LARP4: variants seen among roughly 807,000 people sequenced by gnomAD.
The protein encoded by LARP4 is la-related protein 4.
A neutral mutation model predicts 92.9 loss-of-function variants in LARP4; 29 were observed. The observed-to-expected ratio is 0.31, with a 90% confidence interval of 0.23 to 0.43. LARP4 has a LOEUF of 0.43. LARP4 is among the 20% of genes least tolerant of loss of function. The probability of loss-of-function intolerance (pLI) is 1.00; values close to 1 mark genes in which losing one functional copy is unlikely to be tolerated. For missense variants in LARP4, 732 were observed against 860.0 expected (o/e 0.85, Z 1.86); for synonymous variants, 279 against 284.1 (o/e 0.98, Z 0.18).
Position 50,453,493 on chromosome 12 carries a change from A to G in LARP4, c.838A>G (p.Lys280Glu). The G allele has an allele frequency of 6.2e-7, 1 of 1,612,468 alleles. No homozygotes were observed. The highest frequency in any genetic ancestry group is 8.5e-7 in the Non-Finnish European group (1 of 1,178,742). ...AAAAGCCATCAATACATTTTTTGCTAAGAATGGTTATCGATTAATGGATTC... is the reference window on the plus strand; with the variant it reads ...AAAAGCCATCAATACATTTTTTGCTGAGAATGGTTATCGATTAATGGATTC... ...RIKAINTFFAKNGYRLMDSSI... is the reference protein window; with the variant it reads ...RIKAINTFFAENGYRLMDSSI... The change falls in exon 9 of 16, where the codon AAG becomes GAG. Residue 280 changes from lysine (K) to glutamate (E), a missense_variant. Coordinates refer to ENST00000398473, the MANE Select transcript of LARP4 (RefSeq NM_052879.5).
intron 1 of LARP4, among the ~76,000 whole-genome samples, chr12:50,404,681 G>GTTTTTTTTTTTTTTTTTTTTTTTTTTTT (rs1162590362): frequency 1.5e-5 from 1 of 67,356 alleles, no homozygotes; most frequent in Non-Finnish European, 3.1e-5. Context: ...GGTTCAAGCA[G>GTTTTTTTTTTTTTTTTTTTTTTTTTTTT]TTTTTTTTTT....
At chr12:50,434,519 A>G (rs918952163) in intron 4 of LARP4, among the ~76,000 whole-genome samples, 3 of 150,996 alleles carry the variant, frequency 2.0e-5, no homozygotes, top group African/African-American at 7.3e-5. Context: ...CCCAGGTTCA[A>G]GCGATTCTCT....
intron 6 of LARP4, among the ~76,000 whole-genome samples, chr12:50,439,376 A>AT (rs1486282538): frequency 6.6e-6 from 1 of 151,570 alleles, no homozygotes; most frequent in Non-Finnish European, 1.5e-5. Context: ...TGCTTTTAAA[A>AT]TTTTTTTTTC....
chr12:50,438,992 C>T (rs1158314529), intron 6 of LARP4, among the ~76,000 whole-genome samples: 2 of 152,210 alleles, frequency 1.3e-5, no homozygotes, highest in East Asian at 3.8e-4. Context: ...GGGTGGAGTG[C>T]AGTGGCACAG....
At chr12:50,451,023 A>AT (rs544968278) in intron 8 of LARP4, among the ~76,000 whole-genome samples, 15 of 152,060 alleles carry the variant, frequency 9.9e-5, no homozygotes, top group East Asian at 5.8e-4. Flanking sequence ...ACGTGGGTAT[A>AT]TTTTTTCCCC....
At position 50,432,578 on chromosome 12, in the gene LARP4, G is replaced by A. The variant is rs113885551; in HGVS notation, c.398+2008G>A. 7.6e-3 allele frequency among the ~76,000 whole-genome samples: 1,152 copies of A among 151,896 alleles called. 10 individuals are homozygous for A. Among genetic ancestry groups the A allele is most frequent in the Non-Finnish European group, 0.012 (825 of 67,940 alleles). ...CTGCTTGAAAATCTGGCAGTGTCTT[G>A]GCCTGGCGCAGTGGCTCACACCTGT... On this transcript the variant is annotated intron_variant, in intron 4 of 15. Coordinates refer to ENST00000398473, the MANE Select transcript of LARP4 (RefSeq NM_052879.5).
At chr12:50,423,904 G>A (rs1177864338) in intron 1 of LARP4, among the ~76,000 whole-genome samples, 3 of 151,676 alleles carry the variant, frequency 2.0e-5, no homozygotes, top group Admixed American at 6.6e-5. Flanking sequence ...ACAGGCGCCC[G>A]CCACCACACC....
intron 13 of LARP4, among the ~76,000 whole-genome samples, chr12:50,468,304 C>CT (rs946145116): frequency 4.4e-4 from 53 of 120,724 alleles, no homozygotes; most frequent in Admixed American, 3.1e-3. Context: ...CTTTTTTTTT[C>CT]TTTTTTTTGA....
intron 13 of LARP4, among the ~76,000 whole-genome samples, chr12:50,468,682 G>C (rs1956502594): frequency 6.6e-6 from 1 of 152,060 alleles, no homozygotes; most frequent in Admixed American, 6.6e-5. Context: ...TAAAGATTTA[G>C]CTTTCTTAAG....
intron 10 of LARP4, among the ~76,000 whole-genome samples, chr12:50,457,408 T>C (rs1016419406): frequency 1.1e-4 from 16 of 152,100 alleles, no homozygotes; most frequent in Non-Finnish European, 8.8e-5. Context: ...GGTTTCACCA[T>C]GTTGGCCAGG....
chr12:50,404,817 G>A (rs1162047786), intron 1 of LARP4, among the ~76,000 whole-genome samples: 1 of 151,156 alleles, frequency 6.6e-6, no homozygotes, highest in Non-Finnish European at 1.5e-5. Flanking sequence ...AGCCTCCCGA[G>A]TAGCTGGGAC....
intron 13 of LARP4, among the ~76,000 whole-genome samples, chr12:50,471,003 A>G (rs1956867743): frequency 6.6e-6 from 1 of 152,128 alleles, no homozygotes; most frequent in African/African-American, 2.4e-5. Flanking sequence ...TAACTTAAAA[A>G]CCAAACCAGG....
At chr12:50,453,834 T>C (rs914346536) in intron 9 of LARP4, among the ~76,000 whole-genome samples, 162 bp downstream of exon 9, 2 of 151,934 alleles carry the variant, frequency 1.3e-5, no homozygotes. Context: ...AATTTTGCCA[T>C]GTTGCCCAGG....
At chr12:50,405,495 C>T (rs1461142251) in intron 1 of LARP4, among the ~76,000 whole-genome samples, 1 of 151,356 alleles carries the variant, frequency 6.6e-6, no homozygotes, top group Non-Finnish European at 1.5e-5. Context: ...GTCTCGTTTG[C>T]TGCAGCCTCC....
rs374513874 is a variant in LARP4, at chr12:50,429,545, GAAA to G, written c.322+462_322+464del. Among the ~76,000 whole-genome samples the G allele has an allele frequency of 6.9e-3, 1,051 of 151,702 alleles. 4 individuals are homozygous for G. The highest frequency in any genetic ancestry group is 0.017 in the Middle Eastern group (5 of 294). On this transcript the variant is annotated intron_variant, in intron 3 of 15. Coordinates refer to ENST00000398473, the MANE Select transcript of LARP4 (RefSeq NM_052879.5). ...TGGGTGACAGAGTGAAACTGTGTCT[GAAA>G]AAAAAATTTTGTGTGTCTATATATA... is the stretch of plus-strand genomic sequence containing the variant.
intron 1 of LARP4, among the ~76,000 whole-genome samples, chr12:50,422,732 A>G (rs1180221179): frequency 6.7e-6 from 1 of 150,294 alleles, no homozygotes; most frequent in Non-Finnish European, 1.5e-5. Flanking sequence ...ATCATTTTAT[A>G]TAGTCTCCAT....
intron 6 of LARP4, among the ~76,000 whole-genome samples, chr12:50,438,922 A>T (rs1041275797): frequency 6.6e-6 from 1 of 152,186 alleles, no homozygotes; most frequent in African/African-American, 2.4e-5. Context: ...TTGATTAGCT[A>T]TTTAGAACAG....
intron 12 of LARP4, among the ~76,000 whole-genome samples, chr12:50,463,319 C>T (rs1409769001): frequency 1.4e-5 from 2 of 144,096 alleles, no homozygotes; most frequent in South Asian, 2.2e-4. Context: ...CATGGCGACT[C>T]AAGTCTGTAA....
At chr12:50,408,270 T>C (rs913519230) in intron 1 of LARP4, among the ~76,000 whole-genome samples, 1 of 135,218 alleles carries the variant, frequency 7.4e-6, no homozygotes, top group Non-Finnish European at 1.5e-5. Flanking sequence ...TGATCTCAGC[T>C]CACTGCAACC....
Sources: gnomAD v4.1 joint callset for allele counts (sites outside exome capture counted in the v4.1 genomes callset) on GRCh38, gnomAD v4.1.1 for gene constraint, MANE v1.5 for transcripts, NCBI Gene and HGNC (gene_info 2026-07-23, HGNC 2026-07-21) for gene names.